Variants in CAMK2A observed in about 807,000 individuals in gnomAD.
CAMK2A encodes the protein calcium/calmodulin-dependent protein kinase type II subunit alpha.
CAMK2A carries 7 observed loss-of-function variants against 79.2 expected under a neutral mutation model. The ratio of observed to expected loss-of-function variants is 0.09; its 90% CI spans 0.05 to 0.17. CAMK2A has a LOEUF of 0.17. Among genes scored for constraint, CAMK2A ranks in the 10% least tolerant of loss-of-function variants. The probability of loss-of-function intolerance (pLI) is 1.00; values close to 1 mark genes in which losing one functional copy is unlikely to be tolerated. For missense variants in CAMK2A, 214 were observed against 646.4 expected (o/e 0.33, Z 7.25); for synonymous variants, 242 against 251.7 (o/e 0.96, Z 0.36).
intron 1 of CAMK2A, among the ~76,000 whole-genome samples, chr5:150,287,436 T>C (rs752429050): frequency 6.6e-6 from 1 of 152,210 alleles, no homozygotes. Context: ...GGCCTAGCTA[T>C]GCCTGCTACC....
In CAMK2A at chr5:150,223,196, G is replaced by A; in HGVS notation, c.1259C>T (p.Pro420Leu). 6.2e-7 allele frequency: 1 copy of A among 1,613,744 alleles called. No individual in the cohort carries two copies. The highest frequency in any genetic ancestry group is 8.5e-7 in the Non-Finnish European group (1 of 1,180,032). ...GGGATTCAGGATGGTGGTGTGCACG[G>A]GCTTGCTGTTCCGGGACCACACTGG... is the stretch of plus-strand genomic sequence containing the variant. ...FENLWSRNSK[P>L]VHTTILNPHI... Residue 420 changes from proline to leucine, a missense_variant, in exon 18 of 19, where the codon CCC becomes CTC. By Grantham distance (98) the Pro-to-Leu change is moderately conservative (BLOSUM62 -3). This residue lies in a region of CAMK2A where 123 missense variants were observed against 242.4 expected (regional missense o/e 0.51). Coordinates refer to ENST00000671881, the MANE Select transcript of CAMK2A (RefSeq NM_015981.4). The surrounding 1 kb of genome is among the most constrained non-coding windows in gnomAD (Gnocchi z 4.1).
intron 16 of CAMK2A, among the ~76,000 whole-genome samples, chr5:150,228,592 A>T (rs59222721): frequency 0.014 from 2,065 of 152,286 alleles, 43 homozygotes; most frequent in African/African-American, 0.047. Flanking sequence ...GCAGTGCACT[A>T]AAGGTGCTGG....
chr5:150,256,524 A>T lies in CAMK2A; in HGVS notation c.411+49T>A. The T allele has an allele frequency of 7.7e-7, 1 of 1,293,800 alleles. No homozygotes were observed. Among genetic ancestry groups the T allele is most frequent in the Non-Finnish European group, 1.1e-6 (1 of 890,936 alleles). 80.1% of individuals were successfully genotyped at this position (1,293,800 alleles called of 1,614,324 possible). On this transcript the variant is annotated intron_variant, in intron 6 of 18. Coordinates refer to ENST00000671881, the MANE Select transcript of CAMK2A (RefSeq NM_015981.4). This position sits in a 1 kb window ranked among gnomAD's most constrained non-coding sequence, Gnocchi z 4.6. Reference sequence around the variant, plus strand: ...GCTCTGCAGGATTAGGGACGTGCAGAGGAGAGAGGGGCTCCCGGGGTGAGC... The same window carrying T: ...GCTCTGCAGGATTAGGGACGTGCAGTGGAGAGAGGGGCTCCCGGGGTGAGC...
intron 1 of CAMK2A, among the ~76,000 whole-genome samples, chr5:150,287,201 C>T (rs1757458921): frequency 6.6e-6 from 1 of 152,214 alleles, no homozygotes; most frequent in South Asian, 2.1e-4. Flanking sequence ...TCCACTTTAT[C>T]CCCTTGTCTC....
chr5:150,250,168 G>A (rs1755770416), intron 11 of CAMK2A, 58 bp downstream of exon 11: 1 of 1,296,390 alleles, frequency 7.7e-7, no homozygotes, highest in Non-Finnish European at 1.1e-6. Context: ...TGGCCTCTGT[G>A]GAGACCCAGG....
chr5:150,278,791 G>T (rs973377185), intron 1 of CAMK2A, among the ~76,000 whole-genome samples: 5 of 152,202 alleles, frequency 3.3e-5, no homozygotes, highest in African/African-American at 1.2e-4. Context: ...CCATAGGCGT[G>T]TATTGGCAAC....
intron 13 of CAMK2A, 133 bp from the exon 14 acceptor site, chr5:150,239,869 G>A (rs1580909099): frequency 1.3e-6 from 1 of 787,700 alleles, no homozygotes; most frequent in Non-Finnish European, 2.2e-6. Flanking sequence ...TTGTCGGCTT[G>A]GCATCGGGAC....
upstream of CAMK2A, chr5:150,289,939 C>G (rs1422438653): frequency 2.5e-6 from 1 of 405,068 alleles, no homozygotes; most frequent in African/African-American, 2.0e-5. Flanking sequence ...CTGACCATAC[C>G]GCACACAATA....
chr5:150,247,927 A>G, intron 11 of CAMK2A, 113 bp from the exon 12 acceptor site: 1 of 828,778 alleles, frequency 1.2e-6, no homozygotes, highest in Non-Finnish European at 2.0e-6. Context: ...GCATTCAGAG[A>G]AGAAGCCAAA....
intron 1 of CAMK2A, among the ~76,000 whole-genome samples, chr5:150,281,578 G>A (rs895990712): frequency 5.3e-5 from 8 of 152,240 alleles, no homozygotes; most frequent in Non-Finnish European, 1.2e-4. Flanking sequence ...ACCCAGGACT[G>A]CTGATTCATA....
Position 150,220,720 on chromosome 5 carries a change from C to T in CAMK2A, c.*1990G>A, listed in dbSNP as rs1754267744. Reference sequence around the variant, plus strand: ...GGCAGGCCAAGAGCCTGCCCCTGGGCCTGGGCAGCAAGGTCTCTGCCAAGG... The same window carrying T: ...GGCAGGCCAAGAGCCTGCCCCTGGGTCTGGGCAGCAAGGTCTCTGCCAAGG... On this transcript the variant is annotated 3_prime_UTR_variant, in exon 19 of 19. Transcript: ENST00000671881. The T allele has an allele frequency of 6.6e-6, 1 of 151,754 alleles. No individual in the cohort carries two copies. The highest frequency in any genetic ancestry group is 1.5e-5 in the Non-Finnish European group (1 of 67,866). The allele number at this position is 151,754 out of a possible 1,614,324, so 9.4% of individuals were successfully genotyped here.
chr5:150,283,309 C>G (rs888023580), intron 1 of CAMK2A, among the ~76,000 whole-genome samples: 1 of 152,154 alleles, frequency 6.6e-6, no homozygotes, highest in African/African-American at 2.4e-5. Context: ...CTGGGTTGTT[C>G]CCACTCTCAG....
intron 3 of CAMK2A, among the ~76,000 whole-genome samples, chr5:150,263,577 A>AT (rs1491124670): frequency 6.6e-6 from 1 of 151,776 alleles, no homozygotes; most frequent in African/African-American, 2.4e-5. Context: ...ACACACACAC[A>AT]TACATGCATA....
At chr5:150,258,680 C>G (rs930423629) in intron 3 of CAMK2A, among the ~76,000 whole-genome samples, 4 of 152,328 alleles carry the variant, frequency 2.6e-5, no homozygotes, top group African/African-American at 9.6e-5. Context: ...AGAGGAGACT[C>G]ACTTTTCACT....
chr5:150,265,069 C>T (rs940377459), intron 2 of CAMK2A, 54 bp from the exon 3 acceptor site: 7 of 1,320,952 alleles, frequency 5.3e-6, no homozygotes, highest in African/African-American at 1.4e-5. Context: ...CATTACCCTC[C>T]ATCTCCCCCT....
At chr5:150,224,991 T>C (rs752710492) in intron 17 of CAMK2A, among the ~76,000 whole-genome samples, 14 of 136,798 alleles carry the variant, frequency 1.0e-4, no homozygotes, top group African/African-American at 1.7e-4. Context: ...TGAAACCCAG[T>C]CTCTACAAAA....
chr5:150,229,393 C>G (rs1418505357), intron 16 of CAMK2A, among the ~76,000 whole-genome samples: 1 of 152,206 alleles, frequency 6.6e-6, no homozygotes, highest in Non-Finnish European at 1.5e-5. Context: ...AGCGCCCCCA[C>G]TGAAGAAGCC....
chr5:150,250,873 G>T, intron 9 of CAMK2A, 63 bp from the exon 10 acceptor site: 6 of 1,581,624 alleles, frequency 3.8e-6, no homozygotes, highest in Non-Finnish European at 5.2e-6. Flanking sequence ...CGATCCCCCA[G>T]CCCCTGACTG....
intron 1 of CAMK2A, among the ~76,000 whole-genome samples, chr5:150,280,302 G>A (rs189361089): frequency 3.9e-5 from 6 of 152,136 alleles, no homozygotes; most frequent in East Asian, 1.9e-4. Flanking sequence ...TCTGTTCTCC[G>A]TGGGGGTCTG....
Sources: allele counts gnomAD v4.1 joint callset (sites outside exome capture counted in the v4.1 genomes callset), GRCh38; gene constraint gnomAD v4.1.1; regional missense constraint gnomAD v4.1.1; non-coding constraint Gnocchi (gnomAD v3.1); transcripts MANE v1.5; gene names NCBI Gene and HGNC (gene_info 2026-07-23, HGNC 2026-07-21).